Variants in GRIP1 observed in about 807,000 individuals in gnomAD.
GRIP1 encodes glutamate receptor-interacting protein 1.
Under a neutral mutation model 129.9 loss-of-function variants are expected in GRIP1, and 45 were observed. That is an observed-to-expected ratio of 0.35 (90% CI 0.27 to 0.44). GRIP1 has a LOEUF of 0.44. Among genes scored for constraint, GRIP1 ranks in the 20% least tolerant of loss-of-function variants. The pLI is 1.00. For missense variants in GRIP1, 1,196 were observed against 1,396.8 expected, an observed-to-expected ratio of 0.86 and a Z score of 2.29; for synonymous variants, 530 against 520.8, an observed-to-expected ratio of 1.02 and a Z score of -0.24.
At chr12:66,634,998 T>G (rs1047456039) in intron 1 of GRIP1, among the ~76,000 whole-genome samples, 1 of 152,240 alleles carries the variant, frequency 6.6e-6, no homozygotes, top group Non-Finnish European at 1.5e-5. Flanking sequence ...TTTTTCTCCT[T>G]CAACAAATAT....
At chr12:66,522,370 T>G (rs1420176987) in intron 5 of GRIP1, among the ~76,000 whole-genome samples, 1 of 152,178 alleles carries the variant, frequency 6.6e-6, no homozygotes, top group Non-Finnish European at 1.5e-5. Flanking sequence ...CAGCCACTGC[T>G]GTTCTACAGC....
At chr12:66,740,040 T>G (rs1230526833) in intron 1 of GRIP1, among the ~76,000 whole-genome samples, 1 of 152,170 alleles carries the variant, frequency 6.6e-6, no homozygotes, top group Non-Finnish European at 1.5e-5. Context: ...CCCTGAGTCC[T>G]GCCATTTTTA....
intron 1 of GRIP1, among the ~76,000 whole-genome samples, chr12:66,657,279 CCT>C (rs1005250425): frequency 4.0e-4 from 32 of 79,316 alleles, no homozygotes; most frequent in African/African-American, 1.2e-3. Flanking sequence ...GAAGGAGGAC[CCT>C]CCCCACCACC....
Position 66,464,954 on chromosome 12 carries a change from C to CTT in GRIP1, c.872+319_872+320dup, listed in dbSNP as rs62769560. ...GGGCACTTTCTTTCTTTCTTTCTTT[C>CTT]TTTTTTTTTTTTTGAGATGGAGTTT... On this transcript the variant is annotated intron_variant, in intron 8 of 24. Transcript: ENST00000359742. Among the ~76,000 whole-genome samples, 33 of 93,630 alleles carry CTT rather than the reference C, an allele frequency of 3.5e-4. 1 individual carries two copies. Among genetic ancestry groups the CTT allele is most frequent in the Non-Finnish European group, 5.3e-4 (20 of 37,518 alleles). 61.4% of individuals were successfully genotyped at this position (93,630 alleles called of 152,430 possible). A position where few individuals can be genotyped will look rare whatever the true frequency, so the allele number is the denominator to read the frequency against.
In GRIP1 at chr12:66,432,604, G is replaced by A; in HGVS notation, c.1712C>T (p.Thr571Ile). ...VAESVIPSSG[T>I]FHVKLPKKHN... ...CTTCTTAGGCAGCTTTACATGAAATGTTCCACTACTTGGGATGACAGACTC... is the reference window on the plus strand; with the variant it reads ...CTTCTTAGGCAGCTTTACATGAAATATTCCACTACTTGGGATGACAGACTC... The change falls in exon 14 of 25, where the codon ACA (threonine) becomes ATA (isoleucine). Residue 571 changes from threonine (T) to isoleucine (I), a missense_variant. Around this residue, in one of 5 missense-constraint regions of GRIP1, gnomAD observed 508 missense variants for 587.0 expected, o/e 0.87. Coordinates refer to ENST00000359742, the MANE Select transcript of GRIP1 (RefSeq NM_001366722.1). 1.5e-5 allele frequency: 24 copies of A among 1,601,962 alleles called. No homozygotes were observed. The highest frequency in any genetic ancestry group is 2.1e-5 in the Non-Finnish European group (24 of 1,169,846).
At chr12:66,921,984 T>C (rs1216718743) in intron 1 of GRIP1, among the ~76,000 whole-genome samples, 1 of 152,240 alleles carries the variant, frequency 6.6e-6, no homozygotes, top group Non-Finnish European at 1.5e-5. Flanking sequence ...AAGGGGAATG[T>C]TGCTTCCATA....
chr12:66,662,526 A>C (rs533731545), intron 1 of GRIP1, among the ~76,000 whole-genome samples: 1 of 152,284 alleles, frequency 6.6e-6, no homozygotes, highest in South Asian at 2.1e-4. Context: ...ACTTCTCCAA[A>C]GGGAAGCATA....
chr12:66,510,175 T>C (rs1195644308), intron 7 of GRIP1, among the ~76,000 whole-genome samples: 1 of 152,140 alleles, frequency 6.6e-6, no homozygotes, highest in Non-Finnish European at 1.5e-5. Flanking sequence ...TCATAGCAAC[T>C]TCTGAGGGTG....
chr12:66,720,281 A>C (rs1171436853), intron 1 of GRIP1, among the ~76,000 whole-genome samples: 1 of 152,230 alleles, frequency 6.6e-6, no homozygotes, highest in Non-Finnish European at 1.5e-5. Context: ...ACCCTAATTA[A>C]AAAATATTTC....
chr12:66,506,328 T>G (rs973370251), intron 7 of GRIP1, among the ~76,000 whole-genome samples: 6 of 152,200 alleles, frequency 3.9e-5, no homozygotes, highest in Admixed American at 1.3e-4. Context: ...TTGTGATCTA[T>G]TCACACAATG....
intron 1 of GRIP1, among the ~76,000 whole-genome samples, chr12:66,783,579 T>G (rs1426862239): frequency 6.6e-6 from 1 of 152,164 alleles, no homozygotes; most frequent in Non-Finnish European, 1.5e-5. Flanking sequence ...TAATGATACA[T>G]CTTTATTTCC....
chr12:66,874,195 A>G (rs748558934), intron 1 of GRIP1, among the ~76,000 whole-genome samples: 21 of 152,102 alleles, frequency 1.4e-4, no homozygotes, highest in Non-Finnish European at 2.5e-4. Flanking sequence ...AAGAAAATAT[A>G]CCCAGCATCT....
chr12:66,714,924 CAATCCA>C (rs1171624112), intron 1 of GRIP1, among the ~76,000 whole-genome samples: 3 of 132,244 alleles, frequency 2.3e-5, no homozygotes, highest in Admixed American at 7.8e-5. Context: ...TCCATCCATC[CAATCCA>C]ATCCAATCCA....
intron 1 of GRIP1, among the ~76,000 whole-genome samples, chr12:66,970,696 G>T (rs1040753471): frequency 6.6e-6 from 1 of 152,016 alleles, no homozygotes; most frequent in African/African-American, 2.4e-5. Flanking sequence ...TAAGGAGTGG[G>T]GAAGGGAAAC....
At chr12:66,999,976 T>C (rs2042527141) in intron 1 of GRIP1, among the ~76,000 whole-genome samples, 1 of 152,202 alleles carries the variant, frequency 6.6e-6, no homozygotes, top group African/African-American at 2.4e-5. Flanking sequence ...CATTAAGTTG[T>C]TCCACATTCA....
chr12:66,741,060 T>C (rs956224496), intron 1 of GRIP1, among the ~76,000 whole-genome samples: 4 of 152,308 alleles, frequency 2.6e-5, no homozygotes, highest in African/African-American at 9.6e-5. Flanking sequence ...AGAATGATGC[T>C]CAGAAAAACA....
chr12:66,886,254 A>G (rs1386134278), intron 1 of GRIP1, among the ~76,000 whole-genome samples: 1 of 152,146 alleles, frequency 6.6e-6, no homozygotes, highest in African/African-American at 2.4e-5. Flanking sequence ...TGACAGAGTG[A>G]GACCATGTCA....
At chr12:66,976,739 A>C (rs552205660) in intron 1 of GRIP1, among the ~76,000 whole-genome samples, 1 of 152,326 alleles carries the variant, frequency 6.6e-6, no homozygotes, top group South Asian at 2.1e-4. Flanking sequence ...TTGAGTAAGT[A>C]TGATGTGTCT....
chr12:66,833,733 T>C (rs1004648696), intron 1 of GRIP1, among the ~76,000 whole-genome samples: 5 of 152,086 alleles, frequency 3.3e-5, no homozygotes, highest in African/African-American at 1.2e-4. Context: ...TGTAGCCAAG[T>C]AAAACAAGTC....
Sources: allele counts gnomAD v4.1 joint callset (sites outside exome capture counted in the v4.1 genomes callset), GRCh38; gene constraint gnomAD v4.1.1; regional missense constraint gnomAD v4.1.1; transcripts MANE v1.5; gene names NCBI Gene and HGNC (gene_info 2026-07-23, HGNC 2026-07-21).